The following NTRK2 variants were observed in gnomAD, a reference collection of about 807,000 sequenced individuals.
NTRK2 encodes the protein neurotrophic receptor tyrosine kinase 2.
In NTRK2, 13 loss-of-function variants were observed where a neutral mutation model predicts 94.5. The ratio of observed to expected loss-of-function variants is 0.14; its 90% confidence interval spans 0.09 to 0.22. The LOEUF (loss-of-function observed/expected upper bound fraction) is 0.22, where lower values mean the gene tolerates loss of function less well. Among genes scored for constraint, NTRK2 ranks in the 10% least tolerant of loss-of-function variants. The pLI is 1.00. For synonymous variants in NTRK2, 372 were observed against 407.4 expected (o/e 0.91, Z 1.05); for missense variants, 639 against 1,071.2 (o/e 0.60, Z 5.63).
intron 17 of NTRK2, among the ~76,000 whole-genome samples, chr9:84,994,588 C>T (rs908941465): frequency 1.3e-5 from 2 of 152,164 alleles, no homozygotes; most frequent in African/African-American, 4.8e-5. Context: ...CAGATCACTG[C>T]AGCGCTTCCA....
intron 17 of NTRK2, among the ~76,000 whole-genome samples, chr9:84,998,636 C>G (rs1564537140): frequency 6.6e-6 from 1 of 152,194 alleles, no homozygotes; most frequent in Non-Finnish European, 1.5e-5. Context: ...CTCTCCTTAT[C>G]CCTCATGCTT....
At chr9:84,866,505 T>C (rs2075601909) in intron 13 of NTRK2, among the ~76,000 whole-genome samples, 2 of 152,212 alleles carry the variant, frequency 1.3e-5, no homozygotes, top group South Asian at 2.1e-4. Context: ...GGATCCCAGA[T>C]TCATGTTGAC....
intron 17 of NTRK2, among the ~76,000 whole-genome samples, chr9:84,992,739 G>A (rs1207542129): frequency 1.3e-5 from 2 of 151,796 alleles, no homozygotes; most frequent in African/African-American, 4.8e-5. Context: ...TAATTGCAAG[G>A]GTCCAATGTC....
intron 17 of NTRK2, among the ~76,000 whole-genome samples, chr9:85,000,343 G>A (rs1388652165): frequency 6.6e-6 from 1 of 152,106 alleles, no homozygotes; most frequent in Non-Finnish European, 1.5e-5. Flanking sequence ...CAGCATTGTA[G>A]TATTACACAG....
rs552923732 is a variant in NTRK2, at chr9:84,825,695, G to A, written c.1397-35345G>A. ...TACCTATCTTCCCACCCTCCTAGAA[G>A]CTGGCACAGAATTCTGCACACAGAG... On this transcript the variant is annotated intron_variant, in intron 12 of 18. Coordinates refer to ENST00000277120, the MANE Select transcript of NTRK2 (RefSeq NM_006180.6). Among the ~76,000 whole-genome samples, 10 of 152,300 alleles carry A rather than the reference G, an allele frequency of 6.6e-5. No homozygotes were observed. The South Asian group carries it at 2.1e-3, about 32-fold the overall frequency.
At chr9:84,982,592 C>T (rs964221456) in intron 17 of NTRK2, among the ~76,000 whole-genome samples, 6 of 152,152 alleles carry the variant, frequency 3.9e-5, no homozygotes, top group African/African-American at 1.2e-4. Flanking sequence ...TCCTCTTTGT[C>T]CCAACATCTT....
At chr9:84,843,592 C>T (rs1438967075) in intron 12 of NTRK2, among the ~76,000 whole-genome samples, 5 of 152,088 alleles carry the variant, frequency 3.3e-5, no homozygotes, top group African/African-American at 1.2e-4. Flanking sequence ...TGTGGCTCTC[C>T]AAAGGTGGGT....
At chr9:84,811,236 TCAAA>T (rs1588761980) in intron 12 of NTRK2, 1 of 1,063,952 alleles carries the variant, frequency 9.4e-7, no homozygotes, top group East Asian at 5.0e-5. Flanking sequence ...GGTCTGAGAG[TCAAA>T]CAATGTTAAG....
At chr9:84,914,212 C>A (rs1376696608) in intron 14 of NTRK2, among the ~76,000 whole-genome samples, 1 of 152,048 alleles carries the variant, frequency 6.6e-6, no homozygotes, top group African/African-American at 2.4e-5. Flanking sequence ...TTTCCCGGCA[C>A]TTACTATTTT....
At chr9:84,816,752 C>T (rs188226966) in intron 12 of NTRK2, among the ~76,000 whole-genome samples, 111 of 142,430 alleles carry the variant, frequency 7.8e-4, no homozygotes, top group African/African-American at 2.9e-3. Context: ...GCACTCCAGC[C>T]TGGATGACAC....
At chr9:84,958,438 T>G (rs1824446946) in intron 17 of NTRK2, among the ~76,000 whole-genome samples, 1 of 152,250 alleles carries the variant, frequency 6.6e-6, no homozygotes, top group African/African-American at 2.4e-5. Context: ...GTGGCAATAT[T>G]CTGAAGTACT....
intron 18 of NTRK2, 86 bp downstream of exon 18, chr9:85,020,450 A>G (rs1588208214): frequency 1.4e-6 from 2 of 1,418,672 alleles, no homozygotes; most frequent in African/African-American, 1.4e-5. Context: ...GGGTTGGAAG[A>G]CCATGTCAGG....
chr9:84,840,597 G>T (rs766633130), intron 12 of NTRK2, among the ~76,000 whole-genome samples: 6 of 151,894 alleles, frequency 4.0e-5, no homozygotes, highest in African/African-American at 1.5e-4. Context: ...CTTCTGAACC[G>T]GATCATTCCC....
chr9:84,690,289 G>A (rs542965020), intron 2 of NTRK2, among the ~76,000 whole-genome samples: 2 of 152,240 alleles, frequency 1.3e-5, no homozygotes. Flanking sequence ...TCTTTGCCAT[G>A]CTTGACCTAT....
intron 14 of NTRK2, among the ~76,000 whole-genome samples, chr9:84,912,183 A>G (rs185409320): frequency 1.6e-4 from 25 of 152,294 alleles, no homozygotes; most frequent in Non-Finnish European, 2.1e-4. Flanking sequence ...ATTTTAGTAT[A>G]TGTTCAGTAA....
At chr9:84,939,370 T>C (rs536241328) in intron 15 of NTRK2, among the ~76,000 whole-genome samples, 1 of 152,314 alleles carries the variant, frequency 6.6e-6, no homozygotes, top group African/African-American at 2.4e-5. Flanking sequence ...GATCATTTAA[T>C]GTCAATGTCA....
intron 12 of NTRK2, among the ~76,000 whole-genome samples, chr9:84,775,416 G>A (rs183677302): frequency 6.6e-6 from 1 of 152,304 alleles, no homozygotes; most frequent in East Asian, 1.9e-4. Context: ...TAGCCCATCA[G>A]CATTTGCTTA....
chr9:84,723,531 A>G, intron 6 of NTRK2, 42 bp from the exon 7 acceptor site: 1 of 1,611,492 alleles, frequency 6.2e-7, no homozygotes, highest in Non-Finnish European at 8.5e-7. Context: ...TACTGCATTT[A>G]ACTATTTGCA....
intron 4 of NTRK2, 110 bp from the exon 5 acceptor site, chr9:84,707,734 A>G (rs1382745838): frequency 2.4e-6 from 2 of 844,580 alleles, no homozygotes; most frequent in Admixed American, 1.9e-5. Context: ...AGTAAAGCTT[A>G]TATAATGATC....
Sources: gnomAD v4.1 joint callset for allele counts (sites outside exome capture counted in the v4.1 genomes callset) on GRCh38, gnomAD v4.1.1 for gene constraint, MANE v1.5 for transcripts, NCBI Gene and HGNC (gene_info 2026-07-23, HGNC 2026-07-21) for gene names.